The following FARP1 variants were observed in gnomAD, a reference collection of about 807,000 sequenced individuals.
FARP1 encodes the protein FERM, ARHGEF and pleckstrin domain-containing protein 1.
Under a neutral mutation model 128.8 loss-of-function variants are expected in FARP1, and 52 were observed. The ratio of observed to expected loss-of-function variants is 0.40; its 90% CI spans 0.32 to 0.51. The LOEUF is 0.51. Among genes scored for constraint, FARP1 ranks in the 20% least tolerant of loss-of-function variants. The pLI is 0.45. For synonymous variants in FARP1, 580 were observed against 551.8 expected (o/e 1.05, Z -0.72); for missense variants, 1,333 against 1,367.9 (o/e 0.97, Z 0.40).
At chr13:98,165,533 A>G (rs1199005781) in intron 1 of FARP1, among the ~76,000 whole-genome samples, 1 of 152,004 alleles carries the variant, frequency 6.6e-6, no homozygotes, top group Non-Finnish European at 1.5e-5. Context: ...GGCCGTGGGA[A>G]AAAGTTTGTT....
rs1359490742 is a variant in FARP1, at chr13:98,186,998, A to AAG, written c.-23-26221_-23-26220insGA. Among the ~76,000 whole-genome samples, 47 of 134,298 alleles carry AAG rather than the reference A, an allele frequency of 3.5e-4. 1 individual carries two copies. In the South Asian group the frequency reaches 9.8e-3, roughly 28 times the overall value. The allele number at this position is 134,298 out of a possible 152,430, so 88.1% of individuals were successfully genotyped here. ...TGGAGCGAGATTCTGTCTCAAAAAA[A>AAG]AAAAAAAAAAAAAAAAAAAAGCCAT... On this transcript the variant is annotated intron_variant, in intron 1 of 26. Transcript: ENST00000319562.
intron 3 of FARP1, among the ~76,000 whole-genome samples, chr13:98,361,159 C>T (rs1224967988): frequency 2.6e-5 from 4 of 152,152 alleles, no homozygotes; most frequent in Non-Finnish European, 4.4e-5. Flanking sequence ...TTAAGTCCAG[C>T]GTGCCCCAGA....
chr13:98,266,435 G>A (rs1348638316), intron 2 of FARP1, among the ~76,000 whole-genome samples: 1 of 152,124 alleles, frequency 6.6e-6, no homozygotes, highest in Non-Finnish European at 1.5e-5. Flanking sequence ...GTCCTTTGGA[G>A]GAAGTAGGAG....
At chr13:98,166,476 T>C (rs1299056376) in intron 1 of FARP1, among the ~76,000 whole-genome samples, 1 of 152,222 alleles carries the variant, frequency 6.6e-6, no homozygotes, top group Non-Finnish European at 1.5e-5. Flanking sequence ...TCCCCAAAGC[T>C]ACCTGTAGGG....
intron 3 of FARP1, among the ~76,000 whole-genome samples, chr13:98,360,205 C>T (rs1337292246): frequency 1.3e-5 from 2 of 149,624 alleles, no homozygotes; most frequent in Non-Finnish European, 3.0e-5. Context: ...AAGCAATTCT[C>T]CTGCCTCAGC....
At chr13:98,428,701 A>C (rs932921611) in intron 17 of FARP1, among the ~76,000 whole-genome samples, 2 of 152,110 alleles carry the variant, frequency 1.3e-5, no homozygotes, top group South Asian at 4.2e-4. Flanking sequence ...CCGTCAACTC[A>C]TGTGTCCTCC....
intron 2 of FARP1, among the ~76,000 whole-genome samples, chr13:98,252,797 C>G (rs140426410): frequency 6.6e-6 from 1 of 152,190 alleles, no homozygotes; most frequent in Non-Finnish European, 1.5e-5. Context: ...ATCTATTATC[C>G]TGCTCTAACA....
intron 7 of FARP1, 82 bp from the exon 8 acceptor site, chr13:98,385,585 A>AG: frequency 6.7e-7 from 1 of 1,485,320 alleles, no homozygotes; most frequent in Non-Finnish European, 9.3e-7. Context: ...TGTATTTCCC[A>AG]GGAGAAGCTT....
chr13:98,257,752 G>A (rs1883679127), intron 2 of FARP1, among the ~76,000 whole-genome samples: 1 of 151,992 alleles, frequency 6.6e-6, no homozygotes, highest in Non-Finnish European at 1.5e-5. Context: ...CCTGGATGAC[G>A]GAGCAAGACT....
rs1893120386 is a variant in FARP1, at chr13:98,450,196, A to C, written c.*1879A>C. 1 of 150,098 alleles carries C rather than the reference A, an allele frequency of 6.7e-6. No individual in the cohort carries two copies. Among genetic ancestry groups the C allele is most frequent in the Admixed American group, 6.7e-5 (1 of 14,978 alleles). 9.3% of individuals were successfully genotyped at this position (150,098 alleles called of 1,614,324 possible). The stretch of plus-strand genomic sequence containing the variant: ...CTACACATGAGACACACAATGATGC[A>C]GATACTCGTTTTCTTGAGCTTTATT... On this transcript the variant is annotated 3_prime_UTR_variant, in exon 27 of 27. Coordinates refer to ENST00000319562, the MANE Select transcript of FARP1 (RefSeq NM_005766.4).
intron 2 of FARP1, among the ~76,000 whole-genome samples, chr13:98,227,195 G>T (rs1164038772): frequency 2.0e-5 from 3 of 152,136 alleles, no homozygotes; most frequent in African/African-American, 4.8e-5. Flanking sequence ...GCCCGCCTTG[G>T]CCTCCCAAAG....
chr13:98,379,151 AAT>A lies in FARP1; in HGVS notation c.496+1243_496+1244del, dbSNP rs375616871. Among the ~76,000 whole-genome samples, 354 of 68,562 alleles carry A rather than the reference AAT, an allele frequency of 5.2e-3. 15 individuals are homozygous for A. Among genetic ancestry groups the A allele is most frequent in the African/African-American group, 0.032 (178 of 5,622 alleles). 45.0% of individuals were successfully genotyped at this position (68,562 alleles called of 152,430 possible). Reference sequence around the variant, plus strand: ...TATATATAATATATAATCTATATATAATATATATATAATATATAATCTATATA... The same window carrying A: ...TATATATAATATATAATCTATATATAATATATATAATATATAATCTATATA... On this transcript the variant is annotated intron_variant, in intron 6 of 26. Coordinates refer to ENST00000319562, the MANE Select transcript of FARP1 (RefSeq NM_005766.4).
chr13:98,218,678 A>G (rs1881241538), intron 2 of FARP1, among the ~76,000 whole-genome samples: 1 of 152,180 alleles, frequency 6.6e-6, no homozygotes, highest in South Asian at 2.1e-4. Flanking sequence ...GTCCCATGCC[A>G]GTTGCGGGCC....
At chr13:98,177,886 AAC>A (rs1373760780) in intron 1 of FARP1, 2 of 152,236 alleles carry the variant, frequency 1.3e-5, no homozygotes, top group South Asian at 2.1e-4. Flanking sequence ...ATTTAAAAGC[AAC>A]ACACGCGCAG....
intron 2 of FARP1, among the ~76,000 whole-genome samples, chr13:98,258,683 A>C (rs906506086): frequency 6.6e-6 from 1 of 151,242 alleles, no homozygotes; most frequent in South Asian, 2.1e-4. Flanking sequence ...GAGAGACTAC[A>C]TCTCTATTGT....
rs60259286 is a variant in FARP1 at position 98,450,039 on chromosome 13, ATGATTGAT to A, written c.*1728_*1735del. ...AGTCTCCTCAGCTATTTATTTCTGA[ATGATTGAT>A]TGATTCCAAACTACTTGCTGGACAC... On this transcript the variant is annotated 3_prime_UTR_variant, in exon 27 of 27. Transcript: ENST00000319562. 1 of 151,864 alleles carries A rather than the reference ATGATTGAT, an allele frequency of 6.6e-6. No individual in the cohort carries two copies. The highest frequency in any genetic ancestry group is 1.5e-5 in the Non-Finnish European group (1 of 67,898). 9.4% of individuals were successfully genotyped at this position (151,864 alleles called of 1,614,324 possible). A position where few individuals can be genotyped will look rare whatever the true frequency, so the allele number is the denominator to read the frequency against.
chr13:98,209,532 C>T (rs1482598203), intron 1 of FARP1, among the ~76,000 whole-genome samples: 1 of 138,232 alleles, frequency 7.2e-6, no homozygotes, highest in Non-Finnish European at 1.5e-5. Context: ...CACGGTGGGT[C>T]ACGCCTGTAA....
intron 2 of FARP1, among the ~76,000 whole-genome samples, chr13:98,315,428 A>G (rs16955312): frequency 0.04 from 6,060 of 152,190 alleles, 211 homozygotes; most frequent in African/African-American, 0.094. Flanking sequence ...TTATGCGAAG[A>G]TGGTCCATTA....
intron 2 of FARP1, chr13:98,333,638 T>G (rs1329212887): frequency 1.3e-5 from 2 of 152,236 alleles, no homozygotes; most frequent in Non-Finnish European, 2.9e-5. Context: ...TGAAGTGTGT[T>G]TAACGAGGGT....
Sources: allele counts gnomAD v4.1 joint callset (sites outside exome capture counted in the v4.1 genomes callset), GRCh38; gene constraint gnomAD v4.1.1; transcripts MANE v1.5; gene names NCBI Gene and HGNC (gene_info 2026-07-23, HGNC 2026-07-21).